RTN4: variants seen among roughly 807,000 people sequenced by gnomAD.
RTN4 encodes reticulon-4.
A neutral mutation model predicts 90.4 loss-of-function variants in RTN4; 32 were observed. The ratio of observed to expected loss-of-function variants is 0.35; its 90% confidence interval spans 0.27 to 0.48. The LOEUF is 0.48. Ranked by LOEUF, RTN4 falls within the 20% of genes least tolerant of loss-of-function variation. RTN4 has a pLI of 0.99. For missense variants in RTN4, 1,706 were observed against 1,430.2 expected, an observed-to-expected ratio of 1.19 and a Z score of -3.11; for synonymous variants, 629 against 552.5, an observed-to-expected ratio of 1.14 and a Z score of -1.94.
chr2:55,063,992 G>T (rs929789305), intron 2 of RTN4, among the ~76,000 whole-genome samples: 4 of 152,074 alleles, frequency 2.6e-5, no homozygotes, highest in African/African-American at 9.7e-5. Context: ...CGACCAAGGT[G>T]GGAAGATTAC....
intron 1 of RTN4, among the ~76,000 whole-genome samples, chr2:55,047,430 T>C (rs190058363): frequency 3.9e-5 from 6 of 152,254 alleles, no homozygotes; most frequent in East Asian, 3.9e-4. Context: ...AAGGAAAAGA[T>C]TGAGTTACTC....
intron 3 of RTN4, among the ~76,000 whole-genome samples, chr2:54,988,592 C>T (rs1221856160): frequency 6.6e-6 from 1 of 152,022 alleles, no homozygotes; most frequent in African/African-American, 2.4e-5. Flanking sequence ...TGTAACTTAA[C>T]CTGGCTATCA....
intron 3 of RTN4, among the ~76,000 whole-genome samples, chr2:54,987,966 T>C (rs888155528): frequency 1.3e-5 from 2 of 152,210 alleles, no homozygotes; most frequent in Non-Finnish European, 2.9e-5. Flanking sequence ...CCATACACAA[T>C]GATTAAATGT....
At chr2:55,111,984 A>G (rs188716682) in intron 1 of RTN4, among the ~76,000 whole-genome samples, 30 of 152,242 alleles carry the variant, frequency 2.0e-4, no homozygotes, top group African/African-American at 7.2e-4. Flanking sequence ...GTTAATTGCA[A>G]TGAGTCTCTG....
Position 55,049,781 on chromosome 2 carries a change from C to T in RTN4, c.520G>A (p.Ala174Thr), listed in dbSNP as rs1667994173. 2.3e-6 allele frequency: 3 copies of T among 1,319,888 alleles called. No homozygotes were observed. The highest frequency in any genetic ancestry group is 2.9e-6 in the Non-Finnish European group (3 of 1,036,942). The allele number at this position is 1,319,888 out of a possible 1,614,324, so 81.8% of individuals were successfully genotyped here. A position where few individuals can be genotyped will look rare whatever the true frequency, so the allele number is the denominator to read the frequency against. ...GAGGAGCCCCTGCGCTTGGGCGCGG[C>T]CGGGGTGGAGGGGGGCGCGGCGGGA... The part of the protein sequence containing the change: ...PAPAAPPSTP[A>T]APKRRGSSGS... Residue 174 changes from alanine to threonine, a missense_variant, in exon 1 of 9, where the codon GCC becomes ACC. Ala to Thr is a moderately conservative substitution (Grantham distance 58). Transcript: ENST00000337526.
rs1573479172 is a variant in RTN4, at chr2:55,049,890, G to T, written c.411C>A (p.Asp137Glu). The change falls in exon 1 of 9, where the codon GAC (aspartate) becomes GAA (glutamate). Residue 137 changes from aspartate to glutamate, a missense_variant. Physicochemically the swap from Asp to Glu is conservative, Grantham distance 45. Coordinates refer to ENST00000337526, the MANE Select transcript of RTN4 (RefSeq NM_020532.5). ...GAGGGGGAGGCCGGGCCGGAGGCTCGTCGTCCTCAGGGAGCTTGGAGGGCG... is the reference window on the plus strand; with the variant it reads ...GAGGGGGAGGCCGGGCCGGAGGCTCTTCGTCCTCAGGGAGCTTGGAGGGCG... The part of the protein sequence containing the change: ...AVSPSKLPED[D>E]EPPARPPPPP... 4 of 1,321,298 alleles carry T rather than the reference G, an allele frequency of 3.0e-6. No individual in the cohort carries two copies. The highest frequency in any genetic ancestry group is 2.8e-4 in the Middle Eastern group (1 of 3,560). The allele number at this position is 1,321,298 out of a possible 1,614,324, so 81.8% of individuals were successfully genotyped here.
intron 3 of RTN4, among the ~76,000 whole-genome samples, chr2:54,990,534 CT>C (rs1483995584): frequency 6.6e-6 from 1 of 152,116 alleles, no homozygotes; most frequent in African/African-American, 2.4e-5. Flanking sequence ...CTATTTGTTG[CT>C]GTTATTATTA....
intron 1 of RTN4, among the ~76,000 whole-genome samples, chr2:55,040,288 A>T (rs1287904177): frequency 1.3e-5 from 2 of 152,240 alleles, no homozygotes; most frequent in African/African-American, 4.8e-5. Flanking sequence ...TTTAACAATG[A>T]TGTTGATGAA....
At chr2:55,011,204 T>C (rs191635765) in intron 3 of RTN4, among the ~76,000 whole-genome samples, 20 of 152,100 alleles carry the variant, frequency 1.3e-4, no homozygotes, top group African/African-American at 4.6e-4. Flanking sequence ...TTTTTACACT[T>C]TTTTTAGAGA....
At chr2:55,047,493 G>A (rs1174467711) in intron 1 of RTN4, among the ~76,000 whole-genome samples, 1 of 151,872 alleles carries the variant, frequency 6.6e-6, no homozygotes, top group African/African-American at 2.4e-5. Flanking sequence ...TAGTATGGGG[G>A]TGAGGAGTCC....
At chr2:55,068,169 C>G (rs1448499429) in intron 2 of RTN4, among the ~76,000 whole-genome samples, 1 of 152,126 alleles carries the variant, frequency 6.6e-6, no homozygotes, top group East Asian at 1.9e-4. Context: ...GGTACCATAT[C>G]AAAACTCAAT....
Position 55,049,999 on chromosome 2 carries a change from G to C in RTN4, c.302C>G (p.Ala101Gly), listed in dbSNP as rs758659916. Residue 101 changes from alanine (A) to glycine (G), a missense_variant, in exon 1 of 9, where the codon GCC (alanine) becomes GGC (glycine). By Grantham distance (60) the Ala-to-Gly change is moderately conservative (BLOSUM62 0). Coordinates refer to ENST00000337526, the MANE Select transcript of RTN4 (RefSeq NM_020532.5). The part of the protein sequence containing the change: ...RGPLPAAPPV[A>G]PERQPSWDPS... ...GTCCCAAGACGGCTGCCGCTCCGGG[G>C]CGACGGGGGGAGCGGCCGGCAGGGG... 5 of 1,377,862 alleles carry C rather than the reference G, an allele frequency of 3.6e-6. No homozygotes were observed. The highest frequency in any genetic ancestry group is 4.7e-6 in the Non-Finnish European group (5 of 1,073,008). The allele number at this position is 1,377,862 out of a possible 1,614,324, so 85.4% of individuals were successfully genotyped here.
chr2:54,987,825 G>A (rs1678689094), intron 3 of RTN4, 127 bp from the exon 4 acceptor site: 7 of 735,310 alleles, frequency 9.5e-6, no homozygotes, highest in South Asian at 3.7e-5. Context: ...GAAACACTAA[G>A]TTAAAGAAAC....
chr2:55,120,329 G>A, the RTN4 span, among the ~76,000 whole-genome samples: 5 of 152,248 alleles, frequency 3.3e-5, no homozygotes, highest in South Asian at 1.0e-3. Context: ...AGCTCACCAG[G>A]GTGGGCACAG....
At chr2:55,050,511 G>A (rs971448990), upstream of RTN4, 9 of 394,268 alleles carry the variant, frequency 2.3e-5, no homozygotes, top group Non-Finnish European at 3.6e-5. The surrounding 1 kb of genome is among the most constrained non-coding windows in gnomAD (Gnocchi z 4.6). Context: ...CCCACTTGCC[G>A]CCGCCGCCCA....
At chr2:55,091,245 G>A (rs1174060362) in intron 1 of RTN4, among the ~76,000 whole-genome samples, 1 of 152,072 alleles carries the variant, frequency 6.6e-6, no homozygotes, top group Non-Finnish European at 1.5e-5. Flanking sequence ...TGTGGCCTAG[G>A]GGGCCCCACG....
At chr2:55,085,609 C>T (rs960700320) in intron 1 of RTN4, among the ~76,000 whole-genome samples, 7 of 152,222 alleles carry the variant, frequency 4.6e-5, no homozygotes, top group African/African-American at 1.7e-4. Context: ...AAGTACCTCA[C>T]AGCAACATCT....
chr2:55,084,010 AG>A (rs1668788592), intron 1 of RTN4, among the ~76,000 whole-genome samples: 1 of 152,174 alleles, frequency 6.6e-6, no homozygotes. Flanking sequence ...GGTTTCTGGA[AG>A]GGGGGTGGTC....
chr2:55,096,801 T>C (rs1184476978), intron 1 of RTN4, among the ~76,000 whole-genome samples: 1 of 151,330 alleles, frequency 6.6e-6, no homozygotes, highest in East Asian at 1.9e-4. Flanking sequence ...AGTTACTGTT[T>C]ATTAAGCTTC....
Sources: gnomAD v4.1 joint callset for allele counts (sites outside exome capture counted in the v4.1 genomes callset) on GRCh38, gnomAD v4.1.1 for gene constraint, Gnocchi (gnomAD v3.1) non-coding constraint, MANE v1.5 for transcripts, NCBI Gene and HGNC (gene_info 2026-07-23, HGNC 2026-07-21) for gene names.